Variants in PHYHIPL observed in about 807,000 individuals in gnomAD.
PHYHIPL encodes the protein phytanoyl-CoA 2-hydroxylase interacting protein like.
In PHYHIPL, 9 loss-of-function variants were observed where a neutral mutation model predicts 33.4. The observed-to-expected ratio is 0.27, with a 90% CI of 0.16 to 0.47. PHYHIPL has a LOEUF of 0.47. PHYHIPL is among the 20% of genes least tolerant of loss of function. The pLI is 0.99. For missense variants in PHYHIPL, 365 were observed against 460.7 expected (o/e 0.79, Z 1.90); for synonymous variants, 153 against 154.1 (o/e 0.99, Z 0.05).
rs1214944455 is a variant in PHYHIPL, at chr10:59,176,961, T to TAAGAGCGGCCGGGACCGC, written c.106+3_106+20dup. ...CCATTCAGCTGTGCGACCGGGACGG[T>TAAGAGCGGCCGGGACCGC]AAGAGCGGCCGGGACCGCGAGGAAA... On this transcript the variant is annotated splice_region_variant and intron_variant, in intron 1 of 4. Coordinates refer to ENST00000373880, the MANE Select transcript of PHYHIPL (RefSeq NM_032439.4). 30 of 1,612,098 alleles carry TAAGAGCGGCCGGGACCGC rather than the reference T, an allele frequency of 1.9e-5. No individual in the cohort carries two copies. Among genetic ancestry groups the TAAGAGCGGCCGGGACCGC allele is most frequent in the Middle Eastern group, 1.6e-4 (1 of 6,066 alleles).
chr10:59,182,971 T>C (rs1249972345), intron 1 of PHYHIPL, among the ~76,000 whole-genome samples: 6 of 152,202 alleles, frequency 3.9e-5, no homozygotes, highest in Non-Finnish European at 5.9e-5. Flanking sequence ...ATTTTTTACA[T>C]CTCAGATTTT....
rs1838289061 is a variant in PHYHIPL, at chr10:59,177,632, C to A, written c.106+673C>A. 1.3e-6 allele frequency: 2 copies of A among 1,551,194 alleles called. 1 individual carries two copies. Among genetic ancestry groups the A allele is most frequent in the South Asian group, 2.4e-5 (2 of 84,054 alleles). On this transcript the variant is annotated intron_variant, in intron 1 of 4. Transcript: ENST00000373880. ...ACTTTGTGGCGAGTACGTACCATTG[C>A]GTGTTGATATTATATCGTTTATTCT...
At chr10:59,178,484 A>C (rs891470204) in intron 1 of PHYHIPL, among the ~76,000 whole-genome samples, 6 of 152,172 alleles carry the variant, frequency 3.9e-5, no homozygotes, top group African/African-American at 1.4e-4. Flanking sequence ...ACTTTTATGA[A>C]ATGACTTTTT....
At chr10:59,179,416 A>G (rs1205834693) in intron 1 of PHYHIPL, among the ~76,000 whole-genome samples, 1 of 152,184 alleles carries the variant, frequency 6.6e-6, no homozygotes, top group Non-Finnish European at 1.5e-5. Context: ...TATATTTCAT[A>G]ATTTATGATA....
intron 1 of PHYHIPL, among the ~76,000 whole-genome samples, chr10:59,194,326 C>G (rs1838855316): frequency 6.6e-6 from 1 of 152,024 alleles, no homozygotes; most frequent in Non-Finnish European, 1.5e-5. Context: ...CTTTGCTACC[C>G]TCATAATAGT....
intron 1 of PHYHIPL, among the ~76,000 whole-genome samples, chr10:59,230,012 T>C (rs1840031713): frequency 6.6e-6 from 1 of 152,128 alleles, no homozygotes; most frequent in Admixed American, 6.5e-5. Flanking sequence ...AATTCATAAA[T>C]TCACCACAAC....
chr10:59,210,170 G>A (rs1023422076), intron 1 of PHYHIPL, among the ~76,000 whole-genome samples: 14 of 151,914 alleles, frequency 9.2e-5, no homozygotes, highest in African/African-American at 1.7e-4. Flanking sequence ...AAAATTTTGC[G>A]CTCTATCCAT....
intron 1 of PHYHIPL, among the ~76,000 whole-genome samples, chr10:59,188,124 C>A (rs1838669450): frequency 6.6e-6 from 1 of 152,184 alleles, no homozygotes; most frequent in Non-Finnish European, 1.5e-5. Context: ...TTTCCCTCTA[C>A]ACAATGCTTT....
upstream of PHYHIPL, among the ~76,000 whole-genome samples, chr10:59,174,425 T>C (rs1185092592): frequency 6.6e-6 from 1 of 152,178 alleles, no homozygotes; most frequent in Non-Finnish European, 1.5e-5. Context: ...CCTTGATATG[T>C]TGAACCATAA....
At chr10:59,179,580 T>A (rs564206120) in intron 1 of PHYHIPL, among the ~76,000 whole-genome samples, 2 of 152,300 alleles carry the variant, frequency 1.3e-5, no homozygotes, top group East Asian at 3.9e-4. Flanking sequence ...GAGATATTTT[T>A]AATTTTATAA....
intron 1 of PHYHIPL, among the ~76,000 whole-genome samples, chr10:59,212,039 A>G (rs906215808): frequency 6.6e-6 from 1 of 152,130 alleles, no homozygotes; most frequent in African/African-American, 2.4e-5. Flanking sequence ...TTATGGATTA[A>G]TGGATTAATG....
intron 1 of PHYHIPL, among the ~76,000 whole-genome samples, chr10:59,190,147 G>T (rs146711799): frequency 3.0e-3 from 460 of 151,928 alleles, no homozygotes; most frequent in Non-Finnish European, 4.9e-3. Flanking sequence ...TGGTATAGTG[G>T]GAATTTAAAT....
At chr10:59,229,108 T>A (rs554133596) in intron 1 of PHYHIPL, among the ~76,000 whole-genome samples, 3 of 152,188 alleles carry the variant, frequency 2.0e-5, no homozygotes, top group Admixed American at 2.0e-4. Flanking sequence ...CTTTTTTGGA[T>A]TAATCAAATT....
intron 1 of PHYHIPL, among the ~76,000 whole-genome samples, chr10:59,200,317 T>C (rs1839060812): frequency 6.6e-6 from 1 of 152,176 alleles, no homozygotes; most frequent in East Asian, 1.9e-4. Flanking sequence ...GAGATAATCA[T>C]GTGGTTTTTA....
intron 1 of PHYHIPL, among the ~76,000 whole-genome samples, chr10:59,190,664 T>A (rs1838758352): frequency 6.6e-6 from 1 of 151,928 alleles, no homozygotes. Context: ...AAATTGAATT[T>A]CTTCAGCTTA....
At chr10:59,208,801 T>C (rs979097680) in intron 1 of PHYHIPL, among the ~76,000 whole-genome samples, 4 of 151,836 alleles carry the variant, frequency 2.6e-5, no homozygotes, top group African/African-American at 4.8e-5. Flanking sequence ...AATAGCCGAA[T>C]TGATCAAGCA....
intron 1 of PHYHIPL, among the ~76,000 whole-genome samples, chr10:59,201,439 C>T (rs1030327693): frequency 2.0e-5 from 3 of 152,122 alleles, no homozygotes; most frequent in Admixed American, 2.0e-4. Flanking sequence ...GTTATAATTT[C>T]TGTTATTTTA....
chr10:59,220,093 C>T (rs1274364486), intron 1 of PHYHIPL, among the ~76,000 whole-genome samples: 5 of 152,004 alleles, frequency 3.3e-5, no homozygotes, highest in African/African-American at 2.4e-5. Flanking sequence ...AGGTATGCCC[C>T]TTTTCCTGTT....
intron 1 of PHYHIPL, among the ~76,000 whole-genome samples, chr10:59,204,410 CTG>C (rs1396336645): frequency 2.0e-5 from 3 of 152,152 alleles, no homozygotes; most frequent in Non-Finnish European, 4.4e-5. Context: ...TGTAATGAGT[CTG>C]TGTATGATGA....
Sources: gnomAD v4.1 joint callset for allele counts (sites outside exome capture counted in the v4.1 genomes callset) on GRCh38, gnomAD v4.1.1 for gene constraint, MANE v1.5 for transcripts, NCBI Gene and HGNC (gene_info 2026-07-23, HGNC 2026-07-21) for gene names.